PRTG: variants seen among roughly 807,000 people sequenced by gnomAD.
PRTG encodes immunoglobulin superfamily, DCC subclass, member 5.
In PRTG, 67 loss-of-function variants were observed where a neutral mutation model predicts 122.5. The observed-to-expected ratio is 0.55, with a 90% confidence interval of 0.45 to 0.67. The LOEUF (loss-of-function observed/expected upper bound fraction) is 0.67, where lower values mean the gene tolerates loss of function less well. Ranked by LOEUF, PRTG falls within the 30% of genes least tolerant of loss-of-function variation. PRTG has a pLI of 0.00. For missense variants in PRTG, 1,435 were observed against 1,415.4 expected, an observed-to-expected ratio of 1.01 and a Z score of -0.22; for synonymous variants, 554 against 501.1, an observed-to-expected ratio of 1.11 and a Z score of -1.41.
In PRTG at chr15:55,637,325, G is replaced by A. The variant is rs962802389; in HGVS notation, c.2468C>T (p.Pro823Leu). 2 of 1,611,914 alleles carry A rather than the reference G, an allele frequency of 1.2e-6. No individual in the cohort carries two copies. The highest frequency in any genetic ancestry group is 1.3e-5 in the African/African-American group (1 of 74,790). Residue 823 changes from proline to leucine, a missense_variant, in exon 15 of 20, where the codon CCA becomes CTA. Coordinates refer to ENST00000389286, the MANE Select transcript of PRTG (RefSeq NM_173814.6). ...STLPEAPAGP[P>L]VGVKVTLIED... Reference sequence around the variant, plus strand: ...TATTAATGTCACTTTTACTCCAACTGGTGGGCCTGCTGGTGCTGTGCAGAC... The same window carrying A: ...TATTAATGTCACTTTTACTCCAACTAGTGGGCCTGCTGGTGCTGTGCAGAC...
rs1323966066 is a variant in PRTG, at chr15:55,613,656, A to G, written c.*6356T>C. 1 of 151,980 alleles carries G rather than the reference A, an allele frequency of 6.6e-6. No individual in the cohort carries two copies. Among genetic ancestry groups the G allele is most frequent in the African/African-American group, 2.4e-5 (1 of 41,414 alleles). 9.4% of individuals were successfully genotyped at this position (151,980 alleles called of 1,614,324 possible). A position where few individuals can be genotyped will look rare whatever the true frequency, so the allele number is the denominator to read the frequency against. ...CTTTTTCGATTGGTTATTACTCTGTAGAAAGGTTGTTCTGACACAACCTGG... is the reference window on the plus strand; with the variant it reads ...CTTTTTCGATTGGTTATTACTCTGTGGAAAGGTTGTTCTGACACAACCTGG... On this transcript the variant is annotated 3_prime_UTR_variant, in exon 20 of 20. Transcript: ENST00000389286.
At chr15:55,695,718 C>A (rs79015885) in intron 2 of PRTG, among the ~76,000 whole-genome samples, 11,279 of 152,272 alleles carry the variant, frequency 0.074, 642 homozygotes, top group East Asian at 0.26. Flanking sequence ...GCGGCTCATG[C>A]CTATAATCCC....
At chr15:55,712,126 C>T (rs982492523) in intron 2 of PRTG, among the ~76,000 whole-genome samples, 53 of 152,210 alleles carry the variant, frequency 3.5e-4, no homozygotes, top group African/African-American at 1.3e-3. Flanking sequence ...CCTCTTCAAT[C>T]ACAGAACTGC....
In PRTG at chr15:55,677,870, A is replaced by G; in HGVS notation, c.1308T>C (p.Leu436=). The G allele has an allele frequency of 6.2e-7, 1 of 1,613,918 alleles. No homozygotes were observed. The highest frequency in any genetic ancestry group is 8.5e-7 in the Non-Finnish European group (1 of 1,179,850). The change falls in exon 8 of 20, where the codon CTT becomes CTC. Residue 436 remains leucine, a synonymous_variant. Transcript: ENST00000389286. The part of the protein sequence containing the change: ...HAETMSSSAI[L]LAWERPLYNS... ...TATAAAGTGGCCTCTCCCAGGCTAA[A>G]AGAATGGCTGAGCTTGACATGGTTT...
At chr15:55,742,712 G>C in intron 1 of PRTG, 126 bp downstream of exon 1, 1 of 1,163,732 alleles carries the variant, frequency 8.6e-7, no homozygotes, top group African/African-American at 1.6e-5. Context: ...GGGGGCCGGG[G>C]GTCAGCGCCA....
intron 15 of PRTG, among the ~76,000 whole-genome samples, chr15:55,629,589 G>A (rs2059216116): frequency 6.6e-6 from 1 of 151,912 alleles, no homozygotes; most frequent in Non-Finnish European, 1.5e-5. Flanking sequence ...TTGCTACATG[G>A]CCCAGACTGG....
rs2059129311 is a variant in PRTG, at chr15:55,613,466, T to C, written c.*6546A>G. ...AGAAAAGGACTCTAGAAACCATGCCTACCTTATTTGTAATGTAACTCTAAG... is the reference window on the plus strand; with the variant it reads ...AGAAAAGGACTCTAGAAACCATGCCCACCTTATTTGTAATGTAACTCTAAG... On this transcript the variant is annotated 3_prime_UTR_variant, in exon 20 of 20. Coordinates refer to ENST00000389286, the MANE Select transcript of PRTG (RefSeq NM_173814.6). 1 of 152,108 alleles carries C rather than the reference T, an allele frequency of 6.6e-6. No individual in the cohort carries two copies. The highest frequency in any genetic ancestry group is 2.4e-5 in the African/African-American group (1 of 41,438). 9.4% of individuals were successfully genotyped at this position (152,108 alleles called of 1,614,324 possible). A position where few individuals can be genotyped will look rare whatever the true frequency, so the allele number is the denominator to read the frequency against.
At chr15:55,703,442 G>A (rs578114930) in intron 2 of PRTG, among the ~76,000 whole-genome samples, 3 of 152,250 alleles carry the variant, frequency 2.0e-5, no homozygotes, top group East Asian at 3.9e-4. Context: ...GGCTTGACAG[G>A]CAACTAGGGT....
At chr15:55,721,512 C>T (rs557618115) in intron 2 of PRTG, among the ~76,000 whole-genome samples, 1 of 152,310 alleles carries the variant, frequency 6.6e-6, no homozygotes, top group East Asian at 1.9e-4. Context: ...GTTTACTATT[C>T]CATACGTACC....
intron 2 of PRTG, among the ~76,000 whole-genome samples, chr15:55,694,162 A>G (rs1050712399): frequency 6.6e-6 from 1 of 152,234 alleles, no homozygotes; most frequent in African/African-American, 2.4e-5. Flanking sequence ...ATAGGTAACT[A>G]AGTTCAGATC....
intron 2 of PRTG, among the ~76,000 whole-genome samples, chr15:55,723,752 C>CTTTTTT (rs769469226): frequency 2.4e-5 from 3 of 127,094 alleles, no homozygotes; most frequent in Admixed American, 8.9e-5. Flanking sequence ...TTTCTTTTTT[C>CTTTTTT]TTTTTTTTTT....
intron 15 of PRTG, among the ~76,000 whole-genome samples, chr15:55,635,087 GTGTGTGTGTGTGTGTGTT>G (rs1379912439): frequency 2.8e-4 from 43 of 151,756 alleles, no homozygotes; most frequent in African/African-American, 1.0e-3. Flanking sequence ...GTGTGTGTGT[GTGTGTGTGTGTGTGTGTT>G]TTTTGAGACA....
intron 2 of PRTG, among the ~76,000 whole-genome samples, chr15:55,739,129 A>G (rs1399299173): frequency 1.3e-5 from 2 of 152,168 alleles, no homozygotes; most frequent in African/African-American, 4.8e-5. Flanking sequence ...TGCAGAATAA[A>G]ATAGTTAATA....
At position 55,626,415 on chromosome 15, in the gene PRTG, A is replaced by AT. The variant is rs1437488221; in HGVS notation, c.2927+592_2927+593insA. Among the ~76,000 whole-genome samples, 7 of 150,972 alleles carry AT rather than the reference A, an allele frequency of 4.6e-5. No homozygotes were observed. In the South Asian group the frequency reaches 6.3e-4, roughly 14 times the overall value. On this transcript the variant is annotated intron_variant, in intron 17 of 19. Coordinates refer to ENST00000389286, the MANE Select transcript of PRTG (RefSeq NM_173814.6). ...CAGAATGAGACTTTGTCTCAAAAAA[A>AT]AAAAAAAGGACACTAGTCCTCATTT...
intron 2 of PRTG, among the ~76,000 whole-genome samples, chr15:55,707,929 C>A (rs2030200334): frequency 6.6e-6 from 1 of 151,940 alleles, no homozygotes; most frequent in African/African-American, 2.4e-5. Context: ...TAATAGAGAC[C>A]CTGAGTTTCT....
At chr15:55,621,080 A>G (rs1245468791) in intron 18 of PRTG, among the ~76,000 whole-genome samples, 1 of 152,204 alleles carries the variant, frequency 6.6e-6, no homozygotes, top group Non-Finnish European at 1.5e-5. Flanking sequence ...ACGGCTGGGC[A>G]CAGTGACTCA....
chr15:55,657,696 G>A (rs1166019292), intron 11 of PRTG, among the ~76,000 whole-genome samples: 1 of 152,128 alleles, frequency 6.6e-6, no homozygotes. Context: ...TGACTGCAAG[G>A]AAGTTTGTAA....
chr15:55,720,017 C>A (rs2030752380), intron 2 of PRTG, among the ~76,000 whole-genome samples: 1 of 152,106 alleles, frequency 6.6e-6, no homozygotes, highest in African/African-American at 2.4e-5. Context: ...CAAGATTGTG[C>A]CATTGCACTC....
At chr15:55,718,302 C>T (rs1296217402) in intron 2 of PRTG, among the ~76,000 whole-genome samples, 2 of 152,162 alleles carry the variant, frequency 1.3e-5, no homozygotes, top group Admixed American at 6.5e-5. Flanking sequence ...AGATGCCTGA[C>T]ATCTAGGCAT....
Sources: allele counts gnomAD v4.1 joint callset (sites outside exome capture counted in the v4.1 genomes callset), GRCh38; gene constraint gnomAD v4.1.1; transcripts MANE v1.5; gene names NCBI Gene and HGNC (gene_info 2026-07-23, HGNC 2026-07-21).